The following PARD3B variants were observed in gnomAD, a reference collection of about 807,000 sequenced individuals.
PARD3B encodes par-3 family cell polarity regulator beta, also known as partitioning defective 3 homolog B.
Under a neutral mutation model 130.2 loss-of-function variants are expected in PARD3B, and 103 were observed. The observed-to-expected ratio is 0.79, with a 90% confidence interval of 0.67 to 0.93. PARD3B has a LOEUF of 0.93. PARD3B is among the 40% of genes least tolerant of loss of function. The pLI, the probability that PARD3B is intolerant of heterozygous loss-of-function variation, is 0.00. For missense variants in PARD3B, 1,609 were observed against 1,499.2 expected (o/e 1.07, Z -1.21); for synonymous variants, 583 against 553.2 (o/e 1.05, Z -0.76).
chr2:204,650,296 G>A (rs1412808653), intron 1 of PARD3B, among the ~76,000 whole-genome samples: 1 of 152,176 alleles, frequency 6.6e-6, no homozygotes, highest in Non-Finnish European at 1.5e-5. Flanking sequence ...CACATTATTG[G>A]TGGGACTGTA....
intron 3 of PARD3B, among the ~76,000 whole-genome samples, chr2:205,002,560 C>T (rs1244624833): frequency 6.6e-6 from 1 of 152,156 alleles, no homozygotes; most frequent in African/African-American, 2.4e-5. Context: ...TAGGCTCAAC[C>T]ACTTCTTATC....
intron 2 of PARD3B, among the ~76,000 whole-genome samples, chr2:204,740,349 A>T (rs971841262): frequency 6.6e-6 from 1 of 152,108 alleles, no homozygotes; most frequent in African/African-American, 2.4e-5. Context: ...TCTTCGGCAC[A>T]TTTATTTTCT....
chr2:204,649,165 A>G (rs2035394315), intron 1 of PARD3B, among the ~76,000 whole-genome samples: 1 of 149,492 alleles, frequency 6.7e-6, no homozygotes, highest in Non-Finnish European at 1.5e-5. Flanking sequence ...CCAGCAATGT[A>G]TGGGCATTCT....
chr2:205,518,309 G>T (rs1207888413), intron 21 of PARD3B, among the ~76,000 whole-genome samples: 1 of 152,076 alleles, frequency 6.6e-6, no homozygotes, highest in Admixed American at 6.5e-5. Context: ...TTGTTGAATT[G>T]AACCCTTTAC....
At chr2:205,275,108 A>G (rs893640730) in intron 16 of PARD3B, among the ~76,000 whole-genome samples, 11 of 152,036 alleles carry the variant, frequency 7.2e-5, no homozygotes, top group Non-Finnish European at 1.6e-4. Flanking sequence ...CTTGAGAGGG[A>G]AGTGACTGAA....
intron 19 of PARD3B, among the ~76,000 whole-genome samples, chr2:205,408,541 G>A (rs1389348437): frequency 2.0e-5 from 3 of 151,760 alleles, no homozygotes; most frequent in Non-Finnish European, 4.4e-5. Context: ...TAATATTTTG[G>A]TTGTAATCTA....
At chr2:204,770,444 A>AGGTGT (rs2041315808) in intron 2 of PARD3B, among the ~76,000 whole-genome samples, 1 of 149,914 alleles carries the variant, frequency 6.7e-6, no homozygotes, top group African/African-American at 2.5e-5. Flanking sequence ...ATTTTGGAAT[A>AGGTGT]GGTGTGGTGT....
chr2:204,757,306 G>A (rs898070315), intron 2 of PARD3B, among the ~76,000 whole-genome samples: 7 of 152,114 alleles, frequency 4.6e-5, no homozygotes, highest in Non-Finnish European at 7.4e-5. Flanking sequence ...TTGAATAGTT[G>A]TTCTATTTTT....
intron 2 of PARD3B, among the ~76,000 whole-genome samples, chr2:204,912,949 G>A (rs1311529944): frequency 6.6e-6 from 1 of 152,186 alleles, no homozygotes; most frequent in East Asian, 1.9e-4. Flanking sequence ...CTTTCAAAGG[G>A]GTTATTATCA....
At chr2:204,803,144 GAA>G (rs67190837) in intron 2 of PARD3B, among the ~76,000 whole-genome samples, 3,252 of 119,934 alleles carry the variant, frequency 0.027, 51 homozygotes, top group Middle Eastern at 0.065. Flanking sequence ...AGTGCTGAAG[GAA>G]AAAAAAAAAA....
At chr2:205,065,344 T>G (rs983647696) in intron 4 of PARD3B, among the ~76,000 whole-genome samples, 2 of 152,228 alleles carry the variant, frequency 1.3e-5, no homozygotes. Flanking sequence ...AAGTGAGACA[T>G]TCTGTTGACG....
At chr2:205,075,702 AT>A (rs1701010154) in intron 4 of PARD3B, among the ~76,000 whole-genome samples, 1 of 146,702 alleles carries the variant, frequency 6.8e-6, no homozygotes, top group African/African-American at 2.5e-5. Flanking sequence ...AAAAAAAAGA[AT>A]TTTTGATAGA....
At chr2:204,640,472 G>T (rs1343388349) in intron 1 of PARD3B, among the ~76,000 whole-genome samples, 1 of 152,164 alleles carries the variant, frequency 6.6e-6, no homozygotes, top group East Asian at 1.9e-4. Context: ...TGGCTGCCAT[G>T]TCTTTACCCA....
chr2:205,466,313 T>C (rs376682783), intron 20 of PARD3B, among the ~76,000 whole-genome samples: 16 of 152,370 alleles, frequency 1.1e-4, no homozygotes, highest in East Asian at 3.9e-4. Context: ...TTGTGAGAAA[T>C]CCCATTCCTC....
At chr2:204,778,323 G>C (rs754291754) in intron 2 of PARD3B, among the ~76,000 whole-genome samples, 1 of 151,902 alleles carries the variant, frequency 6.6e-6, no homozygotes, top group Non-Finnish European at 1.5e-5. Context: ...AAATAACTTA[G>C]TCACTTTTAT....
intron 1 of PARD3B, among the ~76,000 whole-genome samples, chr2:204,634,481 C>T (rs1161089480): frequency 6.6e-6 from 1 of 152,122 alleles, no homozygotes; most frequent in Admixed American, 6.5e-5. Context: ...AGGATTTAAA[C>T]AAGGACCATG....
intron 16 of PARD3B, among the ~76,000 whole-genome samples, chr2:205,251,357 G>A (rs1212797202): frequency 1.3e-5 from 2 of 152,180 alleles, no homozygotes; most frequent in Non-Finnish European, 2.9e-5. Flanking sequence ...AAAGGCACAC[G>A]TGCAGGTGTT....
intron 20 of PARD3B, among the ~76,000 whole-genome samples, chr2:205,451,171 T>A (rs2048089151): frequency 6.6e-6 from 1 of 152,206 alleles, no homozygotes; most frequent in African/African-American, 2.4e-5. Context: ...CTTCTTCATG[T>A]TGCATCATGA....
chr2:205,330,419 T>C (rs1277968017), intron 18 of PARD3B, among the ~76,000 whole-genome samples: 2 of 152,226 alleles, frequency 1.3e-5, no homozygotes, highest in Admixed American at 1.3e-4. Flanking sequence ...TAGCCTTGGC[T>C]TGCAACAACA....
Sources: allele counts gnomAD v4.1 joint callset (sites outside exome capture counted in the v4.1 genomes callset), GRCh38; gene constraint gnomAD v4.1.1; transcripts MANE v1.5; gene names NCBI Gene and HGNC (gene_info 2026-07-23, HGNC 2026-07-21).